Variants in PHF2 observed in about 807,000 individuals in gnomAD.
PHF2 encodes PHD finger protein 2.
PHF2 carries 27 observed loss-of-function variants against 120.5 expected under a neutral mutation model. The ratio of observed to expected loss-of-function variants is 0.22; its 90% CI spans 0.17 to 0.31. The LOEUF (loss-of-function observed/expected upper bound fraction) is 0.31. Ranked by LOEUF, PHF2 falls within the 10% of genes least tolerant of loss-of-function variation. PHF2 has a pLI of 1.00. For missense variants in PHF2, 1,024 were observed against 1,434.8 expected, an observed-to-expected ratio of 0.71 and a Z score of 4.63; for synonymous variants, 568 against 592.5, an observed-to-expected ratio of 0.96 and a Z score of 0.60.
chr9:93,595,785 C>T (rs1202059896), intron 1 of PHF2, among the ~76,000 whole-genome samples: 1 of 152,226 alleles, frequency 6.6e-6, no homozygotes, highest in Non-Finnish European at 1.5e-5. Context: ...GATGCTAGAC[C>T]TGGATTTCCT....
chr9:93,638,024 A>G (rs181846997), intron 3 of PHF2, among the ~76,000 whole-genome samples: 2 of 152,108 alleles, frequency 1.3e-5, no homozygotes, highest in Admixed American at 6.5e-5. Flanking sequence ...TCATTTCTCT[A>G]GTGATTAGTG....
intron 1 of PHF2, among the ~76,000 whole-genome samples, chr9:93,578,082 G>A (rs139992134): frequency 2.3e-4 from 35 of 152,342 alleles, no homozygotes; most frequent in African/African-American, 7.0e-4. Flanking sequence ...ACTGGTCAGT[G>A]GTGCTTAAGA....
At chr9:93,594,036 A>C (rs763719642) in intron 1 of PHF2, among the ~76,000 whole-genome samples, 2 of 152,168 alleles carry the variant, frequency 1.3e-5, no homozygotes, top group Non-Finnish European at 2.9e-5. Flanking sequence ...GATTTTATGG[A>C]CTGTGGGTTT....
In PHF2 at chr9:93,673,703, A is replaced by T; in HGVS notation, c.2467A>T (p.Ser823Cys). The T allele has an allele frequency of 6.2e-7, 1 of 1,613,066 alleles. No individual in the cohort carries two copies. The highest frequency in any genetic ancestry group is 8.5e-7 in the Non-Finnish European group (1 of 1,179,710). ...GTGGGGAGCTGGCCAGGCCAAGGGGAGCTCGCTGGCTGCCCATGGTGCCCG... is the reference window on the plus strand; with the variant it reads ...GTGGGGAGCTGGCCAGGCCAAGGGGTGCTCGCTGGCTGCCCATGGTGCCCG... ...TTWGAGQAKGSSLAAHGARKN... is the reference protein window; with the variant it reads ...TTWGAGQAKGCSLAAHGARKN... The change falls in exon 18 of 22, where the codon AGC becomes TGC. Residue 823 changes from serine (S) to cysteine (C), a missense_variant. This residue lies in a region of PHF2 where 677 missense variants were observed against 857.4 expected (regional missense o/e 0.79). Coordinates refer to ENST00000359246, the MANE Select transcript of PHF2 (RefSeq NM_005392.4).
intron 3 of PHF2, among the ~76,000 whole-genome samples, chr9:93,643,325 A>G (rs980336110): frequency 6.6e-6 from 1 of 152,158 alleles, no homozygotes; most frequent in Non-Finnish European, 1.5e-5. Flanking sequence ...TGGCATTGGG[A>G]TTCATCAAGG....
At chr9:93,621,151 A>C (rs1825818986) in intron 1 of PHF2, among the ~76,000 whole-genome samples, 1 of 152,206 alleles carries the variant, frequency 6.6e-6, no homozygotes, top group Non-Finnish European at 1.5e-5. Context: ...TCTGGCCTGG[A>C]TCCCTGTGGA....
intron 2 of PHF2, among the ~76,000 whole-genome samples, chr9:93,632,216 C>T (rs1431168931): frequency 6.6e-6 from 1 of 152,214 alleles, no homozygotes; most frequent in Non-Finnish European, 1.5e-5. Flanking sequence ...TCAGTGCAGG[C>T]TCCCCTTCCT....
intron 1 of PHF2, among the ~76,000 whole-genome samples, chr9:93,597,053 C>T (rs1825348483): frequency 6.6e-6 from 1 of 151,790 alleles, no homozygotes; most frequent in Non-Finnish European, 1.5e-5. Flanking sequence ...GCCTCAGCCT[C>T]CCGAGTAGCT....
intron 1 of PHF2, among the ~76,000 whole-genome samples, chr9:93,624,775 GATGATA>G (rs1825883512): frequency 6.6e-6 from 1 of 151,452 alleles, no homozygotes; most frequent in African/African-American, 2.4e-5. Context: ...TTGAGGTGAT[GATGATA>G]ATGATGGTGT....
chr9:93,653,702 G>A (rs1033952119), intron 6 of PHF2, among the ~76,000 whole-genome samples: 5 of 149,536 alleles, frequency 3.3e-5, no homozygotes, highest in African/African-American at 9.7e-5. Context: ...CCAGGGCCCC[G>A]CACAGGAGCC....
intron 1 of PHF2, 42 bp from the exon 2 acceptor site, chr9:93,629,928 G>C: frequency 6.3e-7 from 1 of 1,581,840 alleles, no homozygotes; most frequent in Non-Finnish European, 8.7e-7. Context: ...GCTTGAGGGG[G>C]TGCTGAATGC....
intron 12 of PHF2, among the ~76,000 whole-genome samples, chr9:93,661,044 G>T (rs746098697): frequency 1.2e-4 from 18 of 152,180 alleles, no homozygotes; most frequent in Non-Finnish European, 2.1e-4. Context: ...AGGTAGATGA[G>T]GTGTCTGTGC....
intron 12 of PHF2, 56 bp from the exon 13 acceptor site, chr9:93,662,851 A>G (rs1587715010): frequency 6.2e-7 from 1 of 1,603,060 alleles, no homozygotes; most frequent in East Asian, 2.2e-5. Context: ...GTGGCTCAAG[A>G]GAGTTCCACC....
chr9:93,656,583 G>C lies in PHF2; in HGVS notation c.1135G>C (p.Glu379Gln). 1.2e-6 allele frequency: 2 copies of C among 1,613,018 alleles called. No homozygotes were observed. Among genetic ancestry groups the C allele is most frequent in the Non-Finnish European group, 1.7e-6 (2 of 1,179,258 alleles). The change falls in exon 9 of 22, where the codon GAG (glutamate) becomes CAG (glutamine). Residue 379 changes from glutamate (E) to glutamine (Q), a missense_variant. Glu to Gln is a conservative substitution (Grantham distance 29). This residue lies in a region of PHF2 where 347 missense variants were observed against 577.4 expected (regional missense o/e 0.60). Transcript: ENST00000359246. This position sits in a 1 kb window ranked among gnomAD's most constrained non-coding sequence, Gnocchi z 4.1. ...CTGGTACATGGGGAAGCACCTGCTG[G>C]AGGCATTCAAAGGTACTGGTCACTC... ...ACWYMGKHLL[E>Q]AFKGSHKSGK... is the part of the protein sequence containing the mutation.
At chr9:93,660,832 A>C (rs1288711428) in intron 12 of PHF2, among the ~76,000 whole-genome samples, 2 of 152,180 alleles carry the variant, frequency 1.3e-5, no homozygotes, top group African/African-American at 4.8e-5. Context: ...GGGCCTGAAG[A>C]GGGTCCCTCA....
intron 3 of PHF2, 60 bp from the exon 4 acceptor site, chr9:93,645,569 C>A: frequency 6.7e-7 from 1 of 1,490,270 alleles, no homozygotes; most frequent in African/African-American, 1.4e-5. Context: ...CCTGTCCACA[C>A]CTGTCCCGGT....
chr9:93,592,221 C>A (rs1310495587), intron 1 of PHF2, among the ~76,000 whole-genome samples: 4 of 152,118 alleles, frequency 2.6e-5, no homozygotes, highest in African/African-American at 9.7e-5. Context: ...ATCTCAGGGT[C>A]TTTTTCTCAA....
intron 6 of PHF2, 89 bp downstream of exon 6, chr9:93,653,454 C>T: frequency 7.3e-7 from 1 of 1,379,196 alleles, no homozygotes; most frequent in Non-Finnish European, 1.0e-6. Context: ...CCCTGATTGG[C>T]CAGGATGCGA....
chr9:93,590,324 T>C (rs947740092), intron 1 of PHF2, among the ~76,000 whole-genome samples: 4 of 152,340 alleles, frequency 2.6e-5, no homozygotes, highest in African/African-American at 9.6e-5. Flanking sequence ...TGGTGCTTTC[T>C]AATGAAGACA....
Sources: gnomAD v4.1 joint callset for allele counts (sites outside exome capture counted in the v4.1 genomes callset) on GRCh38, gnomAD v4.1.1 for gene constraint, gnomAD v4.1.1 regional missense constraint, Gnocchi (gnomAD v3.1) non-coding constraint, MANE v1.5 for transcripts, NCBI Gene and HGNC (gene_info 2026-07-23, HGNC 2026-07-21) for gene names.